Variants in P2RY14 observed in about 807,000 individuals in gnomAD.
The protein encoded by P2RY14 is purinergic receptor P2Y14.
A neutral mutation model predicts 0.9 loss-of-function variants in P2RY14; 2 were observed. The ratio of observed to expected loss-of-function variants is 2.16; its 90% CI spans 0.88 to 6.79. The LOEUF is 6.79. Among genes scored for constraint, P2RY14 ranks in the 30% most tolerant of loss-of-function variants. The probability of loss-of-function intolerance (pLI) is 0.05; values close to 1 mark genes in which losing one functional copy is unlikely to be tolerated. For synonymous variants in P2RY14, 158 were observed against 147.2 expected, an observed-to-expected ratio of 1.07 and a Z score of -0.53; for missense variants, 378 against 400.1, an observed-to-expected ratio of 0.94 and a Z score of 0.47.
At chr3:151,224,104 A>C (rs9853676) in intron 1 of P2RY14, among the ~76,000 whole-genome samples, 20,184 of 151,540 alleles carry the variant, frequency 0.13, 1,456 homozygotes, top group Middle Eastern at 0.17. Flanking sequence ...TGTATATTTA[A>C]ATTATTTCAT....
At chr3:151,260,505 G>A (rs1347432508) in intron 1 of P2RY14, among the ~76,000 whole-genome samples, 1 of 151,954 alleles carries the variant, frequency 6.6e-6, no homozygotes, top group Non-Finnish European at 1.5e-5. Context: ...GTGTACCACT[G>A]TGTCCAGCTA....
rs576542388 is a variant in P2RY14, at chr3:151,249,282, A to C, written c.-133+29005T>G. On this transcript the variant is annotated intron_variant, in intron 1 of 2. Transcript: ENST00000309170. ...TGCTTGTTTATGACCTTTTCCTGTG[A>C]AGCTGTTGTAATAATAGCTTCTGTA... 2.0e-5 allele frequency among the ~76,000 whole-genome samples: 3 copies of C among 152,296 alleles called. No individual in the cohort carries two copies. The East Asian group carries it at 5.8e-4, about 29-fold the overall frequency.
chr3:151,255,454 G>A (rs192293095), intron 1 of P2RY14, among the ~76,000 whole-genome samples: 27 of 152,188 alleles, frequency 1.8e-4, no homozygotes, highest in Admixed American at 1.5e-3. Flanking sequence ...CCAGGGGGAG[G>A]GGGCTGGGGG....
chr3:151,278,074 A>T (rs907378036), intron 1 of P2RY14, among the ~76,000 whole-genome samples: 1 of 152,214 alleles, frequency 6.6e-6, no homozygotes, highest in African/African-American at 2.4e-5. Flanking sequence ...CATAAATGAT[A>T]ATATTTCAGT....
intron 1 of P2RY14, among the ~76,000 whole-genome samples, chr3:151,260,942 T>C (rs1738748947): frequency 6.6e-6 from 1 of 152,100 alleles, no homozygotes; most frequent in Admixed American, 6.6e-5. Flanking sequence ...CCAGTTTCCA[T>C]CTCCCCAGAC....
intron 1 of P2RY14, among the ~76,000 whole-genome samples, chr3:151,265,034 G>A (rs1375215995): frequency 1.3e-5 from 2 of 152,078 alleles, no homozygotes; most frequent in Admixed American, 1.3e-4. Context: ...TCTTCATGAT[G>A]ATTTCTTCCT....
At chr3:151,272,041 C>G (rs1026698475) in intron 1 of P2RY14, among the ~76,000 whole-genome samples, 6 of 152,198 alleles carry the variant, frequency 3.9e-5, no homozygotes, top group Non-Finnish European at 7.3e-5. Flanking sequence ...ACAAAACTTG[C>G]TCTTGAAGCA....
At chr3:151,231,952 G>A (rs188383370) in intron 1 of P2RY14, among the ~76,000 whole-genome samples, 2 of 152,230 alleles carry the variant, frequency 1.3e-5, no homozygotes, top group African/African-American at 4.8e-5. Flanking sequence ...TGTATTCATG[G>A]GCTTTTTTTG....
intron 1 of P2RY14, among the ~76,000 whole-genome samples, chr3:151,277,298 A>G (rs867676480): frequency 6.6e-6 from 1 of 151,862 alleles, no homozygotes; most frequent in Admixed American, 6.6e-5. Context: ...GCATGTTTGT[A>G]TATATAGTAT....
chr3:151,238,599 T>C (rs146449321), intron 1 of P2RY14, among the ~76,000 whole-genome samples: 4 of 152,218 alleles, frequency 2.6e-5, no homozygotes, highest in Non-Finnish European at 5.9e-5. Flanking sequence ...GCAAAAGCCA[T>C]GATGTGTAAA....
At chr3:151,274,985 A>G (rs1262552580) in intron 1 of P2RY14, among the ~76,000 whole-genome samples, 1 of 152,094 alleles carries the variant, frequency 6.6e-6, no homozygotes, top group Non-Finnish European at 1.5e-5. Flanking sequence ...CTTAGATGAA[A>G]CCTTGTGTGA....
At position 151,229,624 on chromosome 3, in the gene P2RY14, G is replaced by A. The variant is rs577256832; in HGVS notation, c.-132-9982C>T. Among the ~76,000 whole-genome samples the A allele has an allele frequency of 9.9e-5, 15 of 151,642 alleles. No individual in the cohort carries two copies. The South Asian group carries it at 2.1e-3, about 21-fold the overall frequency. On this transcript the variant is annotated intron_variant, in intron 1 of 2. Transcript: ENST00000309170. ...CTCCCTAGTAGCTGGGACTACAGGC[G>A]CCCACCACCATGCCTGGCTTATTTT...
At chr3:151,219,903 C>G (rs141296934) in intron 1 of P2RY14, among the ~76,000 whole-genome samples, 1 of 136,724 alleles carries the variant, frequency 7.3e-6, no homozygotes, top group Non-Finnish European at 1.6e-5. Flanking sequence ...CCCCCCCCCC[C>G]CCTTGGATAT....
intron 1 of P2RY14, among the ~76,000 whole-genome samples, chr3:151,232,120 C>A (rs1230646497): frequency 6.6e-6 from 1 of 152,150 alleles, no homozygotes; most frequent in African/African-American, 2.4e-5. Flanking sequence ...TTCCTTCTTA[C>A]TTTCCTGTGG....
chr3:151,239,573 G>A (rs1411025063), intron 1 of P2RY14, among the ~76,000 whole-genome samples: 3 of 152,098 alleles, frequency 2.0e-5, no homozygotes, highest in African/African-American at 7.2e-5. Context: ...AATGTTACTT[G>A]TGTTAACCTG....
At chr3:151,234,899 C>T (rs1299050380) in intron 1 of P2RY14, among the ~76,000 whole-genome samples, 1 of 152,156 alleles carries the variant, frequency 6.6e-6, no homozygotes, top group African/African-American at 2.4e-5. Flanking sequence ...ACTCTTTTAC[C>T]TATAATAAGA....
At chr3:151,217,619 A>C (rs1328402641) in intron 2 of P2RY14, among the ~76,000 whole-genome samples, 3 of 152,292 alleles carry the variant, frequency 2.0e-5, no homozygotes, top group Admixed American at 6.5e-5. Context: ...GGTTTTAGAC[A>C]TGCTGGTTGG....
At chr3:151,223,990 T>G (rs548137454) in intron 1 of P2RY14, among the ~76,000 whole-genome samples, 8 of 152,360 alleles carry the variant, frequency 5.3e-5, no homozygotes, top group Admixed American at 3.3e-4. Flanking sequence ...TCTGTGATAT[T>G]TTATTTCTTA....
At chr3:151,268,616 C>T (rs1030531864) in intron 1 of P2RY14, among the ~76,000 whole-genome samples, 5 of 152,256 alleles carry the variant, frequency 3.3e-5, no homozygotes, top group African/African-American at 1.2e-4. Flanking sequence ...AGTTCATTCC[C>T]ATTAGTGGTT....
Sources: gnomAD v4.1 joint callset for allele counts (sites outside exome capture counted in the v4.1 genomes callset) on GRCh38, gnomAD v4.1.1 for gene constraint, MANE v1.5 for transcripts, NCBI Gene and HGNC (gene_info 2026-07-23, HGNC 2026-07-21) for gene names.